TDRD7: variants seen among roughly 807,000 people sequenced by gnomAD.
TDRD7 encodes the protein tudor domain-containing protein 7.
In TDRD7, 47 loss-of-function variants were observed where a neutral mutation model predicts 109.8. That is an observed-to-expected ratio of 0.43 (90% CI 0.34 to 0.55). The LOEUF is 0.55. TDRD7 is among the 20% of genes least tolerant of loss of function. TDRD7 has a pLI of 0.03. For synonymous variants in TDRD7, 424 were observed against 457.3 expected (o/e 0.93, Z 0.93); for missense variants, 1,164 against 1,319.2 (o/e 0.88, Z 1.82).
At chr9:97,454,282 C>T (rs144027463) in intron 6 of TDRD7, among the ~76,000 whole-genome samples, 100 of 152,286 alleles carry the variant, frequency 6.6e-4, no homozygotes, top group African/African-American at 2.3e-3. Context: ...AGATTGAGAC[C>T]ATCCTGACTA....
intron 8 of TDRD7, among the ~76,000 whole-genome samples, chr9:97,467,364 A>G (rs1319820323): frequency 6.6e-6 from 1 of 152,048 alleles, no homozygotes; most frequent in African/African-American, 2.4e-5. Flanking sequence ...CCCTCCTTCT[A>G]CTTTGGGAAT....
intron 1 of TDRD7, among the ~76,000 whole-genome samples, chr9:97,417,871 A>T (rs1827836453): frequency 6.6e-6 from 1 of 152,226 alleles, no homozygotes; most frequent in African/African-American, 2.4e-5. Context: ...TCACACCTGT[A>T]ATCCCAGCAC....
At chr9:97,457,568 C>G (rs898507198) in intron 6 of TDRD7, among the ~76,000 whole-genome samples, 2 of 152,074 alleles carry the variant, frequency 1.3e-5, no homozygotes, top group Non-Finnish European at 2.9e-5. Context: ...TTAGTAGAGA[C>G]AGGATTTCAC....
intron 6 of TDRD7, among the ~76,000 whole-genome samples, chr9:97,455,817 T>C (rs1176678269): frequency 1.3e-5 from 2 of 152,224 alleles, no homozygotes; most frequent in African/African-American, 4.8e-5. Flanking sequence ...TTGGAAGTTC[T>C]GGCCAGGGCA....
chr9:97,468,906 CAG>C (rs764674351), intron 8 of TDRD7, among the ~76,000 whole-genome samples: 34 of 152,282 alleles, frequency 2.2e-4, no homozygotes, highest in Non-Finnish European at 3.4e-4. Flanking sequence ...GGACACAGAG[CAG>C]AGTGTGGTGA....
At chr9:97,446,549 A>G (rs1828404517) in intron 6 of TDRD7, among the ~76,000 whole-genome samples, 1 of 152,208 alleles carries the variant, frequency 6.6e-6, no homozygotes, top group Non-Finnish European at 1.5e-5. Context: ...TTTATTATAT[A>G]TCATTTTCCT....
At position 97,464,990 on chromosome 9, in the gene TDRD7, C is replaced by T. The variant is rs764821436; in HGVS notation, c.1591C>T (p.Arg531Trp). The T allele has an allele frequency of 4.3e-6, 7 of 1,614,030 alleles. No homozygotes were observed. Among genetic ancestry groups the T allele is most frequent in the East Asian group, 2.2e-5 (1 of 44,836 alleles). ...AAATGCCGAGGAGGACGCCTGGTTACGGGCACAGGTCATCTCAACAGAAGA... is the reference window on the plus strand; with the variant it reads ...AAATGCCGAGGAGGACGCCTGGTTATGGGCACAGGTCATCTCAACAGAAGA... ...AVNAEEDAWL[R>W]AQVISTEENK... The change falls in exon 8 of 17, where the codon CGG (arginine) becomes TGG (tryptophan). Residue 531 changes from arginine (R) to tryptophan (W), a missense_variant. Arg to Trp is a moderately radical substitution (Grantham distance 101). Around this residue, in one of 5 missense-constraint regions of TDRD7, gnomAD observed 261 missense variants for 336.2 expected, o/e 0.78. Transcript: ENST00000355295.
chr9:97,430,427 C>G (rs1282545276), intron 2 of TDRD7, among the ~76,000 whole-genome samples: 1 of 152,184 alleles, frequency 6.6e-6, no homozygotes, highest in Non-Finnish European at 1.5e-5. Context: ...CAGAGTCACC[C>G]AGCAGATCCA....
rs1344433133 is a variant in TDRD7 at position 97,412,424 on chromosome 9, G to C, written c.-7+186G>C. 1.3e-5 allele frequency among the ~76,000 whole-genome samples: 2 copies of C among 152,190 alleles called. No individual in the cohort carries two copies. The highest frequency in any genetic ancestry group is 2.1e-4 in the South Asian group (1 of 4,834). ...CCCCGCCCCGACGCCTGGGAACCGG[G>C]CTGGGCGCCGGGGGAGTTGGAGTTC... On this transcript the variant is annotated intron_variant, in intron 1 of 16. Transcript: ENST00000355295. The surrounding 1 kb of genome is among the most constrained non-coding windows in gnomAD (Gnocchi z 4.3).
intron 1 of TDRD7, among the ~76,000 whole-genome samples, chr9:97,425,157 A>T (rs1345144863): frequency 6.6e-6 from 1 of 152,062 alleles, no homozygotes; most frequent in Non-Finnish European, 1.5e-5. Flanking sequence ...CTGTATCTTG[A>T]TTGTGGTATG....
At chr9:97,456,615 G>T (rs1199412261) in intron 6 of TDRD7, among the ~76,000 whole-genome samples, 4 of 152,172 alleles carry the variant, frequency 2.6e-5, no homozygotes, top group African/African-American at 9.7e-5. Context: ...AAACTGGCTA[G>T]CCATATTCAG....
In TDRD7 at chr9:97,496,008, G is replaced by A. The variant is rs957693681; in HGVS notation, c.*125G>A. The A allele has an allele frequency of 3.9e-6, 3 of 761,092 alleles. No homozygotes were observed. Among genetic ancestry groups the A allele is most frequent in the Admixed American group, 4.4e-5 (2 of 45,024 alleles). The allele number at this position is 761,092 out of a possible 1,614,324, so 47.1% of individuals were successfully genotyped here. ...TGCTGTGGGGGATTGAAAAGAATAT[G>A]CTTATGTTTGATGAAAGATATTTAA... On this transcript the variant is annotated 3_prime_UTR_variant, in exon 17 of 17. Transcript: ENST00000355295.
chr9:97,481,791 T>G (rs1177776962), intron 14 of TDRD7, among the ~76,000 whole-genome samples: 2 of 152,246 alleles, frequency 1.3e-5, no homozygotes, highest in East Asian at 3.8e-4. Flanking sequence ...TTGTTAATTT[T>G]TAAAACTGTA....
chr9:97,418,633 G>A (rs548951598), intron 1 of TDRD7, among the ~76,000 whole-genome samples: 2 of 152,284 alleles, frequency 1.3e-5, no homozygotes, highest in African/African-American at 4.8e-5. Flanking sequence ...CATTTCAGGG[G>A]CAGTGGTCTA....
chr9:97,420,094 A>T (rs1443582575), intron 1 of TDRD7, among the ~76,000 whole-genome samples: 4 of 152,228 alleles, frequency 2.6e-5, no homozygotes, highest in Admixed American at 2.6e-4. Context: ...AACTTTATTT[A>T]TAATATCTCA....
chr9:97,467,492 T>C (rs1828840396), intron 8 of TDRD7, among the ~76,000 whole-genome samples: 1 of 152,214 alleles, frequency 6.6e-6, no homozygotes, highest in South Asian at 2.1e-4. Context: ...ACTCCCATCG[T>C]GTTGTATATA....
intron 16 of TDRD7, among the ~76,000 whole-genome samples, chr9:97,490,500 A>G (rs1358578611): frequency 7.4e-6 from 1 of 135,220 alleles, no homozygotes; most frequent in East Asian, 2.3e-4. Flanking sequence ...ACTTTTGTTC[A>G]TCTTTGATTT....
intron 5 of TDRD7, among the ~76,000 whole-genome samples, chr9:97,439,548 T>G (rs1828263163): frequency 6.6e-6 from 1 of 152,208 alleles, no homozygotes; most frequent in Admixed American, 6.5e-5. Flanking sequence ...ACCCCAGCCC[T>G]ACTCTGTGTC....
intron 16 of TDRD7, among the ~76,000 whole-genome samples, chr9:97,487,996 C>T (rs1829241417): frequency 1.3e-5 from 2 of 152,186 alleles, no homozygotes; most frequent in Admixed American, 6.5e-5. Context: ...GGAGCAATTT[C>T]ACCACATTCA....
Sources: gnomAD v4.1 joint callset for allele counts (sites outside exome capture counted in the v4.1 genomes callset) on GRCh38, gnomAD v4.1.1 for gene constraint, gnomAD v4.1.1 regional missense constraint, Gnocchi (gnomAD v3.1) non-coding constraint, MANE v1.5 for transcripts, NCBI Gene and HGNC (gene_info 2026-07-23, HGNC 2026-07-21) for gene names.